VIPR2: variants seen among roughly 807,000 people sequenced by gnomAD.
The protein encoded by VIPR2 is vasoactive intestinal peptide receptor 2.
Under a neutral mutation model 58.0 loss-of-function variants are expected in VIPR2, and 48 were observed. The ratio of observed to expected loss-of-function variants is 0.83; its 90% CI spans 0.66 to 1.05. VIPR2 has a LOEUF of 1.05. Among genes scored for constraint, VIPR2 ranks in the 50% least tolerant of loss-of-function variants. The probability of loss-of-function intolerance (pLI) is 0.00; values close to 1 mark genes in which losing one functional copy is unlikely to be tolerated. For missense variants in VIPR2, 534 were observed against 558.0 expected, an observed-to-expected ratio of 0.96 and a Z score of 0.43; for synonymous variants, 243 against 235.2, an observed-to-expected ratio of 1.03 and a Z score of -0.30.
intron 4 of VIPR2, among the ~76,000 whole-genome samples, chr7:159,100,936 C>T (rs374816434): frequency 9.7e-5 from 14 of 144,934 alleles, no homozygotes; most frequent in African/African-American, 2.9e-4. Context: ...ACGGGTCTCA[C>T]GAGATCCGAT....
At chr7:159,058,112 T>A (rs1361023184) in intron 5 of VIPR2, among the ~76,000 whole-genome samples, 2 of 152,214 alleles carry the variant, frequency 1.3e-5, no homozygotes, top group Admixed American at 1.3e-4. Context: ...TCCACCTTCA[T>A]GCTCTTAAAC....
At chr7:159,088,643 G>T (rs1029565714) in intron 4 of VIPR2, among the ~76,000 whole-genome samples, 4 of 152,258 alleles carry the variant, frequency 2.6e-5, no homozygotes, top group African/African-American at 9.6e-5. Context: ...ACTAAGCCCT[G>T]ACCTGAGTAG....
At chr7:159,105,894 G>A (rs1310333625) in intron 3 of VIPR2, among the ~76,000 whole-genome samples, 1 of 152,206 alleles carries the variant, frequency 6.6e-6, no homozygotes, top group African/African-American at 2.4e-5. Flanking sequence ...ATGTGGTAGT[G>A]GCCACTACGA....
chr7:159,089,698 A>AAAC (rs200052492), intron 4 of VIPR2, among the ~76,000 whole-genome samples: 2,309 of 152,232 alleles, frequency 0.015, 59 homozygotes, highest in African/African-American at 0.051. Context: ...TCCACTTGTA[A>AAAC]AACAACAACA....
chr7:159,039,725 C>A (rs1476221719), intron 6 of VIPR2, among the ~76,000 whole-genome samples: 1 of 152,136 alleles, frequency 6.6e-6, no homozygotes, highest in East Asian at 1.9e-4. Context: ...TCTCAGGCCT[C>A]CAGAACTGAG....
chr7:159,068,435 C>T (rs900554739), intron 4 of VIPR2, among the ~76,000 whole-genome samples: 13 of 152,372 alleles, frequency 8.5e-5, no homozygotes, highest in Non-Finnish European at 1.5e-4. Context: ...CAGCCGTGAC[C>T]CATTTCTAAT....
intron 4 of VIPR2, among the ~76,000 whole-genome samples, chr7:159,079,806 A>T (rs2129494853): frequency 6.6e-6 from 1 of 152,374 alleles, no homozygotes; most frequent in South Asian, 2.1e-4. Flanking sequence ...TCCCACAGAA[A>T]TACAAACTAC....
At chr7:159,080,018 A>G (rs1856825219) in intron 4 of VIPR2, among the ~76,000 whole-genome samples, 1 of 152,230 alleles carries the variant, frequency 6.6e-6, no homozygotes, top group South Asian at 2.1e-4. Context: ...ATGGATTCAC[A>G]GCCAAATTCT....
At chr7:159,138,072 ACCACGAACAGCGAGCTC>A (rs1412865065) in intron 2 of VIPR2, among the ~76,000 whole-genome samples, 1 of 152,212 alleles carries the variant, frequency 6.6e-6, no homozygotes, top group Non-Finnish European at 1.5e-5. Context: ...TCTGCTGAGG[ACCACGAACAGCGAGCTC>A]CCACCAGAGC....
chr7:159,144,281 C>G (rs1797596615), intron 1 of VIPR2: 1 of 1,364,160 alleles, frequency 7.3e-7, no homozygotes, highest in Non-Finnish European at 9.5e-7. Flanking sequence ...CCACGTCCCC[C>G]CGACACTAAA....
chr7:159,103,558 G>A (rs189089354), intron 4 of VIPR2, among the ~76,000 whole-genome samples, 199 bp downstream of exon 4: 10 of 152,238 alleles, frequency 6.6e-5, no homozygotes, highest in East Asian at 1.9e-4. Flanking sequence ...GCAAAATGAC[G>A]GAACAATCAA....
intron 4 of VIPR2, among the ~76,000 whole-genome samples, chr7:159,077,012 A>C (rs1207751705): frequency 6.6e-6 from 1 of 152,198 alleles, no homozygotes; most frequent in Non-Finnish European, 1.5e-5. Flanking sequence ...GTAGAGATTG[A>C]CTTTATGGAG....
chr7:159,076,048 A>G lies in VIPR2; in HGVS notation c.358-17470T>C, dbSNP rs138089454. Among the ~76,000 whole-genome samples, 1,107 of 152,356 alleles carry G rather than the reference A, an allele frequency of 7.3e-3. 7 individuals are homozygous for G. Among genetic ancestry groups the G allele is most frequent in the Middle Eastern group, 0.01 (3 of 294 alleles). ...CTTGGTGGGTCACCCTGTTCTGTAC[A>G]GAAGTGGAAGAAACAGCTGAACTGT... On this transcript the variant is annotated intron_variant, in intron 4 of 12. Coordinates refer to ENST00000262178, the MANE Select transcript of VIPR2 (RefSeq NM_003382.5).
rs959115498 is a variant in VIPR2, at chr7:159,029,499, A to G, written c.*1117T>C. The G allele has an allele frequency of 2.6e-5, 4 of 152,272 alleles. No homozygotes were observed. Among genetic ancestry groups the G allele is most frequent in the Non-Finnish European group, 4.4e-5 (3 of 68,064 alleles). 9.4% of individuals were successfully genotyped at this position (152,272 alleles called of 1,614,324 possible). A position where few individuals can be genotyped will look rare whatever the true frequency, so the allele number is the denominator to read the frequency against. ...AAACAGTTTTATATGTTGTTAAAAT[A>G]ATTCTTATCCTAAGATTATTTTTGT... On this transcript the variant is annotated 3_prime_UTR_variant, in exon 13 of 13. Coordinates refer to ENST00000262178, the MANE Select transcript of VIPR2 (RefSeq NM_003382.5).
At chr7:159,082,871 G>A (rs568597026) in intron 4 of VIPR2, among the ~76,000 whole-genome samples, 2 of 152,332 alleles carry the variant, frequency 1.3e-5, no homozygotes, top group South Asian at 4.1e-4. Context: ...GGTGGCTCAA[G>A]ACCATTCCCA....
intron 2 of VIPR2, among the ~76,000 whole-genome samples, chr7:159,132,963 ATG>A (rs1797028380): frequency 1.3e-5 from 2 of 148,628 alleles, no homozygotes; most frequent in Admixed American, 1.4e-4. Flanking sequence ...TTCAGACAGA[ATG>A]ATTGGCATAC....
At chr7:159,051,014 C>T (rs901926087) in intron 5 of VIPR2, among the ~76,000 whole-genome samples, 6 of 152,096 alleles carry the variant, frequency 3.9e-5, no homozygotes, top group African/African-American at 1.4e-4. Flanking sequence ...AAAATAGCCT[C>T]AAAAATGAAG....
At chr7:159,041,315 A>T (rs1450441208) in intron 6 of VIPR2, among the ~76,000 whole-genome samples, 2 of 152,104 alleles carry the variant, frequency 1.3e-5, no homozygotes, top group African/African-American at 4.8e-5. Context: ...GCAATAGGGG[A>T]GAGTAGAGAG....
At chr7:159,034,734 A>G in intron 8 of VIPR2, 84 bp from the exon 9 acceptor site, 1 of 1,096,852 alleles carries the variant, frequency 9.1e-7, no homozygotes, top group African/African-American at 1.5e-5. Flanking sequence ...GCCCCTCCCA[A>G]CTTGCCCACT....
Sources: allele counts gnomAD v4.1 joint callset (sites outside exome capture counted in the v4.1 genomes callset), GRCh38; gene constraint gnomAD v4.1.1; transcripts MANE v1.5; gene names NCBI Gene and HGNC (gene_info 2026-07-23, HGNC 2026-07-21).